TUBB6: variants seen among roughly 807,000 people sequenced by gnomAD.
TUBB6 encodes tubulin beta 6 class V.
Under a neutral mutation model 32.3 loss-of-function variants are expected in TUBB6, and 18 were observed. The ratio of observed to expected loss-of-function variants is 0.56; its 90% CI spans 0.39 to 0.83. The LOEUF is 0.83. TUBB6 is among the 40% of genes least tolerant of loss of function. The pLI, the probability that TUBB6 is intolerant of heterozygous loss-of-function variation, is 0.00. For missense variants in TUBB6, 480 were observed against 632.0 expected (o/e 0.76, Z 2.58); for synonymous variants, 280 against 265.8 (o/e 1.05, Z -0.52).
chr18:12,323,667 G>A (rs1292096971), intron 3 of TUBB6, among the ~76,000 whole-genome samples: 1 of 152,068 alleles, frequency 6.6e-6, no homozygotes, highest in Non-Finnish European at 1.5e-5. Context: ...AATTAGCCAG[G>A]CGTGGTGGTG....
downstream of TUBB6, among the ~76,000 whole-genome samples, chr18:12,328,580 C>T (rs1433445647): frequency 6.6e-6 from 1 of 152,216 alleles, no homozygotes; most frequent in African/African-American, 2.4e-5. Flanking sequence ...TTCCACTGTT[C>T]CTTCTCTAAA....
chr18:12,310,483 T>A (rs1598799315), intron 2 of TUBB6, among the ~76,000 whole-genome samples: 1 of 81,334 alleles, frequency 1.2e-5, no homozygotes, highest in African/African-American at 4.9e-5. Context: ...AGAGCGAGAC[T>A]CCATCGCAAA....
chr18:12,312,774 C>T (rs974569322), intron 3 of TUBB6, among the ~76,000 whole-genome samples: 20 of 151,838 alleles, frequency 1.3e-4, no homozygotes, highest in Admixed American at 9.2e-4. Context: ...CCAAGGCGGG[C>T]GGATCACCTG....
In TUBB6 at chr18:12,325,851, C is replaced by G; in HGVS notation, c.1062C>G (p.Cys354Trp). ...CCAACAACGTGAAGGTGGCCGTGTG[C>G]GACATCCCGCCCCGCGGCCTGAAGA... Reference protein sequence around the residue: ...WIPNNVKVAVCDIPPRGLKMA... With the variant: ...WIPNNVKVAVWDIPPRGLKMA... The change falls in exon 4 of 4, where the codon TGC becomes TGG. Residue 354 changes from cysteine (C) to tryptophan (W), a missense_variant. Cys to Trp is a radical substitution (Grantham distance 215). Transcript: ENST00000317702. 1 of 1,614,184 alleles carries G rather than the reference C, an allele frequency of 6.2e-7. No homozygotes were observed. The highest frequency in any genetic ancestry group is 8.5e-7 in the Non-Finnish European group (1 of 1,180,054).
intron 3 of TUBB6, among the ~76,000 whole-genome samples, chr18:12,320,009 C>T (rs1906899015): frequency 1.3e-5 from 2 of 151,978 alleles, no homozygotes; most frequent in Non-Finnish European, 2.9e-5. Context: ...AGGATGGTCT[C>T]AATCTCCTGA....
At chr18:12,314,664 A>G (rs6505749) in intron 3 of TUBB6, among the ~76,000 whole-genome samples, 126,101 of 152,108 alleles carry the variant, frequency 0.83, 52,704 homozygotes, top group Non-Finnish European at 0.89. Flanking sequence ...AAAGTTTTAC[A>G]TATGTAAAAT....
intron 3 of TUBB6, among the ~76,000 whole-genome samples, chr18:12,323,279 G>C (rs1307933031): frequency 6.6e-6 from 1 of 152,094 alleles, no homozygotes; most frequent in East Asian, 1.9e-4. Context: ...GAAACTCGTA[G>C]TGCCCAGAAA....
At chr18:12,308,613 TG>T in intron 1 of TUBB6, 73 bp from the exon 2 acceptor site, 3 of 1,167,084 alleles carry the variant, frequency 2.6e-6, no homozygotes, top group Non-Finnish European at 3.8e-6. Context: ...CCGGGGCGCC[TG>T]GGGTGGGCGC....
intron 3 of TUBB6, among the ~76,000 whole-genome samples, chr18:12,314,656 AG>A (rs1906573491): frequency 6.6e-6 from 1 of 152,174 alleles, no homozygotes; most frequent in Non-Finnish European, 1.5e-5. Flanking sequence ...AAGATCTTAA[AG>A]TTTTACATAT....
At chr18:12,324,969 C>CATG in intron 3 of TUBB6, 98 bp from the exon 4 acceptor site, 1 of 1,510,896 alleles carries the variant, frequency 6.6e-7, no homozygotes. Flanking sequence ...GCTAACAGCA[C>CATG]ATCATGGAAT....
intron 3 of TUBB6, among the ~76,000 whole-genome samples, chr18:12,321,225 C>T (rs1460272460): frequency 6.6e-6 from 1 of 152,142 alleles, no homozygotes; most frequent in Non-Finnish European, 1.5e-5. Context: ...GAGTTATTAA[C>T]AGTCCAGTAC....
At chr18:12,311,584 G>A (rs766486304) in intron 3 of TUBB6, among the ~76,000 whole-genome samples, 6 of 152,114 alleles carry the variant, frequency 3.9e-5, no homozygotes, top group South Asian at 2.1e-4. Context: ...GTGACAGAGC[G>A]AGACTCCATC....
chr18:12,318,643 C>T (rs6505751), intron 3 of TUBB6, among the ~76,000 whole-genome samples: 119,731 of 151,886 alleles, frequency 0.79, 48,466 homozygotes, highest in Non-Finnish European at 0.88. Context: ...GGGACTGAGA[C>T]GGAGATCTAG....
downstream of TUBB6, among the ~76,000 whole-genome samples, chr18:12,327,029 A>ATAAAT (rs1326796266): frequency 6.6e-6 from 1 of 152,232 alleles, no homozygotes; most frequent in Admixed American, 6.5e-5. Context: ...GTTTCCAAAG[A>ATAAAT]TAAACTCCAC....
At chr18:12,316,619 T>A (rs1906687063) in intron 3 of TUBB6, among the ~76,000 whole-genome samples, 2 of 152,248 alleles carry the variant, frequency 1.3e-5, no homozygotes, top group Admixed American at 1.3e-4. Context: ...ATATGCTTAT[T>A]TGTTAAAATA....
rs972859793 is a variant in TUBB6 at position 12,308,863 on chromosome 18, G to T, written c.166+68G>T. 8 of 1,074,524 alleles carry T rather than the reference G, an allele frequency of 7.4e-6. No individual in the cohort carries two copies. In the Middle Eastern group the frequency reaches 6.0e-4, roughly 81 times the overall value. 66.6% of individuals were successfully genotyped at this position (1,074,524 alleles called of 1,614,324 possible). A position where few individuals can be genotyped will look rare whatever the true frequency, so the allele number is the denominator to read the frequency against. The stretch of plus-strand genomic sequence containing the variant: ...GTGGACGCTCCGGCGCCGCCTCTTA[G>T]CGCGGCGAGTTTGCTTCGGGAAAAG... On this transcript the variant is annotated intron_variant, in intron 2 of 3. Transcript: ENST00000317702.
At chr18:12,324,990 C>T (rs1306710376) in intron 3 of TUBB6, 77 bp from the exon 4 acceptor site, 3 of 1,519,460 alleles carry the variant, frequency 2.0e-6, no homozygotes, top group Non-Finnish European at 2.6e-6. Flanking sequence ...CACTTCACAC[C>T]CTCCTTGTCG....
intron 3 of TUBB6, among the ~76,000 whole-genome samples, chr18:12,320,059 A>G (rs571018049): frequency 6.6e-6 from 1 of 152,074 alleles, no homozygotes; most frequent in African/African-American, 2.4e-5. Context: ...AAGTGCTAAG[A>G]TTACAAGCGT....
At chr18:12,329,769 C>T (rs1440744464), downstream of TUBB6, 3 of 1,613,668 alleles carry the variant, frequency 1.9e-6, no homozygotes, top group African/African-American at 4.0e-5. Context: ...CTTTTTCTAA[C>T]AACAGAAGAG....
Sources: allele counts gnomAD v4.1 joint callset (sites outside exome capture counted in the v4.1 genomes callset), GRCh38; gene constraint gnomAD v4.1.1; transcripts MANE v1.5; gene names NCBI Gene and HGNC (gene_info 2026-07-23, HGNC 2026-07-21).